The following SEC61A2 variants were observed in gnomAD, a reference collection of about 807,000 sequenced individuals.
SEC61A2 encodes the protein protein transport protein Sec61 subunit alpha isoform 2.
SEC61A2 carries 28 observed loss-of-function variants against 59.9 expected under a neutral mutation model. The observed-to-expected ratio is 0.47, with a 90% CI of 0.35 to 0.64. The LOEUF is 0.64. Ranked by LOEUF, SEC61A2 falls within the 30% of genes least tolerant of loss-of-function variation. SEC61A2 has a pLI of 0.01. For missense variants in SEC61A2, 340 were observed against 585.9 expected, an observed-to-expected ratio of 0.58 and a Z score of 4.33; for synonymous variants, 202 against 214.4, an observed-to-expected ratio of 0.94 and a Z score of 0.50.
chr10:12,140,134 T>C (rs896967872), intron 3 of SEC61A2, among the ~76,000 whole-genome samples: 1 of 152,196 alleles, frequency 6.6e-6, no homozygotes, highest in African/African-American at 2.4e-5. Flanking sequence ...TTGCCTCATT[T>C]GATTATGTTC....
chr10:12,133,348 G>C, intron 2 of SEC61A2, 40 bp downstream of exon 2: 1 of 1,046,256 alleles, frequency 9.6e-7, no homozygotes, highest in Non-Finnish European at 1.4e-6. Flanking sequence ...GTAGCTCAAG[G>C]GCTTGTTCTA....
intron 4 of SEC61A2, among the ~76,000 whole-genome samples, chr10:12,148,234 C>A (rs1420131984): frequency 7.5e-6 from 1 of 134,124 alleles, no homozygotes; most frequent in African/African-American, 2.7e-5. Flanking sequence ...CCACCATGCC[C>A]GGCCATTTTT....
rs1447910177 is a variant in SEC61A2 at position 12,143,917 on chromosome 10, G to T, written c.220+722G>T. 6.6e-6 allele frequency among the ~76,000 whole-genome samples: 1 copy of T among 152,028 alleles called. No individual in the cohort carries two copies. Among genetic ancestry groups the T allele is most frequent in the Non-Finnish European group, 1.5e-5 (1 of 67,992 alleles). Reference sequence around the variant, plus strand: ...AGGAACAGTGGTTGCCTCTTTTTTGGAAACACTTTTTTCAGGCGATCCTCC... The same window carrying T: ...AGGAACAGTGGTTGCCTCTTTTTTGTAAACACTTTTTTCAGGCGATCCTCC... On this transcript the variant is annotated intron_variant, in intron 4 of 11. Transcript: ENST00000298428. This position sits in a 1 kb window ranked among gnomAD's most constrained non-coding sequence, Gnocchi z 4.8.
At chr10:12,166,533 A>G (rs1252828118), downstream of SEC61A2, 14 of 312,728 alleles carry the variant, frequency 4.5e-5, no homozygotes, top group Non-Finnish European at 7.8e-5. Flanking sequence ...GGGCTCAGAC[A>G]GTGAGCCTGT....
At position 12,156,972 on chromosome 10, in the gene SEC61A2, C is replaced by A; in HGVS notation, c.682C>A (p.Arg228=). 1 of 1,614,008 alleles carries A rather than the reference C, an allele frequency of 6.2e-7. No homozygotes were observed. The highest frequency in any genetic ancestry group is 1.3e-5 in the African/African-American group (1 of 75,050). The change falls in exon 8 of 12, where the codon CGA becomes AGA. Residue 228 remains arginine, a synonymous_variant. Transcript: ENST00000298428. This position sits in a 1 kb window ranked among gnomAD's most constrained non-coding sequence, Gnocchi z 5.2. Reference sequence around the variant, plus strand: ...GTTGGCCACCAGGACGGACAAAGTCCGAGCTTTACGGGAGGCTTTTTATCG... The same window carrying A: ...GTTGGCCACCAGGACGGACAAAGTCAGAGCTTTACGGGAGGCTTTTTATCG... ...HLLATRTDKV[R]ALREAFYRQN... is the part of the protein sequence containing the mutation.
intron 3 of SEC61A2, among the ~76,000 whole-genome samples, chr10:12,137,406 G>A (rs1833914345): frequency 6.6e-6 from 1 of 151,984 alleles, no homozygotes; most frequent in Non-Finnish European, 1.5e-5. Flanking sequence ...CCAAGCCCGG[G>A]TGATCTTCCC....
chr10:12,144,166 G>A (rs1304147400), intron 4 of SEC61A2, among the ~76,000 whole-genome samples: 1 of 151,984 alleles, frequency 6.6e-6, no homozygotes, highest in Non-Finnish European at 1.5e-5. Context: ...ATGTTTTTAG[G>A]TTATAAAGGT....
At position 12,155,858 on chromosome 10, in the gene SEC61A2, C is replaced by A. The variant is rs1409872837; in HGVS notation, c.543C>A (p.Leu181=). The A allele has an allele frequency of 6.2e-7, 1 of 1,614,082 alleles. No homozygotes were observed. The highest frequency in any genetic ancestry group is 8.5e-7 in the Non-Finnish European group (1 of 1,180,022). ...ACGGCTTGGGGTCTGGGATTTCCCTCTTTATTGCCACCAACATCTGTGAGA... is the reference window on the plus strand; with the variant it reads ...ACGGCTTGGGGTCTGGGATTTCCCTATTTATTGCCACCAACATCTGTGAGA... ...KGYGLGSGIS[L]FIATNICETI... The change falls in exon 7 of 12, where the codon CTC becomes CTA. Residue 181 remains leucine (L), a synonymous_variant. Coordinates refer to ENST00000298428, the MANE Select transcript of SEC61A2 (RefSeq NM_018144.4). The surrounding 1 kb of genome is among the most constrained non-coding windows in gnomAD (Gnocchi z 4.3).
chr10:12,161,629 C>CA lies in SEC61A2; in HGVS notation c.1167+509dup, dbSNP rs1483088391. 2.0e-5 allele frequency among the ~76,000 whole-genome samples: 3 copies of CA among 151,962 alleles called. No individual in the cohort carries two copies. The highest frequency in any genetic ancestry group is 7.3e-5 in the African/African-American group (3 of 41,370). On this transcript the variant is annotated intron_variant, in intron 10 of 11. Transcript: ENST00000298428. The surrounding 1 kb of genome is among the most constrained non-coding windows in gnomAD (Gnocchi z 5.4). ...GGCAGCGCATGCCTGTAATCCCAGCCACTCAGGAGGCTGAGGCAGGAGAAT... is the reference window on the plus strand; with the variant it reads ...GGCAGCGCATGCCTGTAATCCCAGCCAACTCAGGAGGCTGAGGCAGGAGAAT...
At chr10:12,137,249 A>G (rs1456036978) in intron 3 of SEC61A2, among the ~76,000 whole-genome samples, 1 of 152,132 alleles carries the variant, frequency 6.6e-6, no homozygotes, top group Non-Finnish European at 1.5e-5. Flanking sequence ...GCTAAAACCA[A>G]ATTTTTGCAA....
intron 4 of SEC61A2, among the ~76,000 whole-genome samples, chr10:12,148,368 C>T (rs1258778439): frequency 6.6e-6 from 1 of 151,900 alleles, no homozygotes; most frequent in African/African-American, 2.4e-5. Flanking sequence ...GCCTCAGCCT[C>T]CCAAGTAGCT....
chr10:12,133,387 T>A (rs1439774945), intron 2 of SEC61A2, 79 bp downstream of exon 2: 14 of 689,062 alleles, frequency 2.0e-5, no homozygotes, highest in Non-Finnish European at 3.3e-5. Flanking sequence ...TTTCCTTACC[T>A]CAGTCCTTCT....
At chr10:12,130,038 C>A (rs1363426164) in intron 1 of SEC61A2, among the ~76,000 whole-genome samples, 1 of 152,146 alleles carries the variant, frequency 6.6e-6, no homozygotes, top group Admixed American at 6.5e-5. Flanking sequence ...GCGAGGATGG[C>A]GCTGGGAGGC....
intron 6 of SEC61A2, among the ~76,000 whole-genome samples, chr10:12,151,024 C>T (rs1834259758): frequency 6.6e-6 from 1 of 151,658 alleles, no homozygotes; most frequent in Non-Finnish European, 1.5e-5. Flanking sequence ...ATTCGCCCGC[C>T]TCGGCCTCCC....
In SEC61A2 at chr10:12,157,022, C is replaced by T. The variant is rs1433525893; in HGVS notation, c.732C>T (p.Asn244=). ...FYRQNLPNLM[N]LIATVFVFAV... ...GGCAGAACTTACCCAATCTCATGAACCTCATTGCTACAGTTTTTGTGTTTG... is the reference window on the plus strand; with the variant it reads ...GGCAGAACTTACCCAATCTCATGAATCTCATTGCTACAGTTTTTGTGTTTG... Residue 244 remains asparagine, a synonymous_variant, in exon 8 of 12, where the codon AAC becomes AAT. Coordinates refer to ENST00000298428, the MANE Select transcript of SEC61A2 (RefSeq NM_018144.4). 6.2e-7 allele frequency: 1 copy of T among 1,614,152 alleles called. No homozygotes were observed.
downstream of SEC61A2, chr10:12,169,431 CGA>C (rs1231145436): frequency 2.0e-5 from 16 of 787,856 alleles, no homozygotes; most frequent in East Asian, 4.0e-4. This position sits in a 1 kb window ranked among gnomAD's most constrained non-coding sequence, Gnocchi z 4.8. Context: ...TGAAAAAAGC[CGA>C]GAGAGGCTAC....
At chr10:12,133,176 C>G in intron 1 of SEC61A2, 65 bp from the exon 2 acceptor site, 1 of 816,408 alleles carries the variant, frequency 1.2e-6, no homozygotes, top group Non-Finnish European at 2.0e-6. Flanking sequence ...ATTTGATTTT[C>G]TAGAAAGACA....
intron 2 of SEC61A2, among the ~76,000 whole-genome samples, chr10:12,134,152 G>A (rs369408868): frequency 1.7e-4 from 26 of 152,110 alleles, no homozygotes; most frequent in East Asian, 3.9e-4. Context: ...GACTACAGGC[G>A]CCCACCACCA....
intron 3 of SEC61A2, among the ~76,000 whole-genome samples, chr10:12,139,583 G>C (rs1335838509): frequency 6.6e-6 from 1 of 152,030 alleles, no homozygotes; most frequent in African/African-American, 2.4e-5. Context: ...AGGAGATCGA[G>C]ACCATCCTGG....
Sources: allele counts gnomAD v4.1 joint callset (sites outside exome capture counted in the v4.1 genomes callset), GRCh38; gene constraint gnomAD v4.1.1; non-coding constraint Gnocchi (gnomAD v3.1); transcripts MANE v1.5; gene names NCBI Gene and HGNC (gene_info 2026-07-23, HGNC 2026-07-21).